Variants in ENTPD1 observed in about 807,000 individuals in gnomAD.
ENTPD1 encodes ectonucleoside triphosphate diphosphohydrolase 1.
Under a neutral mutation model 57.0 loss-of-function variants are expected in ENTPD1, and 33 were observed. The ratio of observed to expected loss-of-function variants is 0.58; its 90% CI spans 0.44 to 0.77. The LOEUF (loss-of-function observed/expected upper bound fraction) is 0.77, where lower values mean the gene tolerates loss of function less well. Ranked by LOEUF, ENTPD1 falls within the 30% of genes least tolerant of loss-of-function variation. ENTPD1 has a pLI of 0.00. For synonymous variants in ENTPD1, 202 were observed against 218.8 expected, an observed-to-expected ratio of 0.92 and a Z score of 0.68; for missense variants, 501 against 603.4, an observed-to-expected ratio of 0.83 and a Z score of 1.78.
rs1387384361 is a variant in ENTPD1 at position 95,866,714 on chromosome 10, TGA to T, written c.*335_*336del. 1 of 1,179,046 alleles carries T rather than the reference TGA, an allele frequency of 8.5e-7. No homozygotes were observed. The highest frequency in any genetic ancestry group is 5.8e-5 in the East Asian group (1 of 17,160). 73.0% of individuals were successfully genotyped at this position (1,179,046 alleles called of 1,614,324 possible). ...CAATATTGACTTTGTCTAGAAGAACTGAGAGTCTTGAGTCCTGTGATAGGAGG... is the reference window on the plus strand; with the variant it reads ...CAATATTGACTTTGTCTAGAAGAACTGAGTCTTGAGTCCTGTGATAGGAGG... On this transcript the variant is annotated 3_prime_UTR_variant, in exon 10 of 10. Coordinates refer to ENST00000371205, the MANE Select transcript of ENTPD1 (RefSeq NM_001776.6).
At chr10:95,848,221 G>A (rs1401933076) in intron 7 of ENTPD1, among the ~76,000 whole-genome samples, 3 of 152,180 alleles carry the variant, frequency 2.0e-5, no homozygotes, top group African/African-American at 7.2e-5. Context: ...CCTTGTCTCT[G>A]CCTGTCCCCA....
In ENTPD1 at chr10:95,871,448, C is replaced by T. The variant is rs2098480326; in HGVS notation, c.*5065C>T. 7 of 985,306 alleles carry T rather than the reference C, an allele frequency of 7.1e-6. No homozygotes were observed. Among genetic ancestry groups the T allele is most frequent in the South Asian group, 4.7e-5 (1 of 21,290 alleles). 61.0% of individuals were successfully genotyped at this position (985,306 alleles called of 1,614,324 possible). ...CTGGTAGATGTCCTAGGAAACCATACATCTATGTATTTTTCTTATTTTATA... is the reference window on the plus strand; with the variant it reads ...CTGGTAGATGTCCTAGGAAACCATATATCTATGTATTTTTCTTATTTTATA... On this transcript the variant is annotated 3_prime_UTR_variant, in exon 10 of 10. Transcript: ENST00000371205.
At chr10:95,863,229 TA>T (rs2098468355) in intron 8 of ENTPD1, among the ~76,000 whole-genome samples, 4 of 152,284 alleles carry the variant, frequency 2.6e-5, no homozygotes, top group Admixed American at 2.6e-4. Flanking sequence ...TCAGGGAAAT[TA>T]GGCCAAAATG....
intron 1 of ENTPD1, among the ~76,000 whole-genome samples, chr10:95,744,740 C>A (rs1308970992): frequency 6.6e-6 from 1 of 152,034 alleles, no homozygotes; most frequent in Non-Finnish European, 1.5e-5. Flanking sequence ...TCATTCTGGG[C>A]TCCCTTGACT....
intron 1 of ENTPD1, among the ~76,000 whole-genome samples, chr10:95,715,865 A>G (rs2139815057): frequency 6.6e-6 from 1 of 152,126 alleles, no homozygotes; most frequent in Admixed American, 6.6e-5. Context: ...TTATATTTGT[A>G]TTTTTGTTTG....
intron 1 of ENTPD1, among the ~76,000 whole-genome samples, chr10:95,763,522 A>G (rs1187244281): frequency 1.3e-5 from 2 of 152,174 alleles, no homozygotes; most frequent in Non-Finnish European, 2.9e-5. Context: ...TGTTTTTAGG[A>G]TATAAAATTG....
intron 1 of ENTPD1, among the ~76,000 whole-genome samples, chr10:95,746,806 G>A (rs1206011814): frequency 6.6e-6 from 1 of 152,184 alleles, no homozygotes; most frequent in Non-Finnish European, 1.5e-5. Flanking sequence ...ATTGATAGTG[G>A]AGAAATACAA....
At chr10:95,748,021 G>A (rs1455005135) in intron 1 of ENTPD1, among the ~76,000 whole-genome samples, 7 of 151,920 alleles carry the variant, frequency 4.6e-5, no homozygotes, top group Non-Finnish European at 7.4e-5. Context: ...ACAGGCATGC[G>A]CCACCATGCC....
chr10:95,755,513 T>C (rs1211185525), upstream of ENTPD1: 1 of 605,764 alleles, frequency 1.7e-6, no homozygotes, highest in East Asian at 2.8e-5. Flanking sequence ...AGGTAGGAAG[T>C]CAAAGTTGGG....
At chr10:95,833,918 G>A (rs146002448) in intron 2 of ENTPD1, among the ~76,000 whole-genome samples, 12 of 152,332 alleles carry the variant, frequency 7.9e-5, no homozygotes, top group Middle Eastern at 3.4e-3. Flanking sequence ...AGAGGGCAGA[G>A]TACTTGAATA....
At chr10:95,754,221 T>A (rs1211634099), upstream of ENTPD1, 3 of 144,406 alleles carry the variant, frequency 2.1e-5, no homozygotes, top group East Asian at 6.1e-4. Context: ...GGCAGGAGAA[T>A]CACTTGAACC....
chr10:95,736,985 G>C (rs2097995325), intron 1 of ENTPD1, among the ~76,000 whole-genome samples: 1 of 152,176 alleles, frequency 6.6e-6, no homozygotes, highest in South Asian at 2.1e-4. Flanking sequence ...CTGTGTGTGT[G>C]CATGAAAGAG....
At chr10:95,814,169 A>AT (rs1294982380) in intron 1 of ENTPD1, among the ~76,000 whole-genome samples, 1 of 152,190 alleles carries the variant, frequency 6.6e-6, no homozygotes, top group Non-Finnish European at 1.5e-5. Context: ...ACTTTGCCGG[A>AT]AACAGCCTTC....
Position 95,842,396 on chromosome 10 carries a change from G to A in ENTPD1, c.315G>A (p.Leu105=). 1 of 1,614,010 alleles carries A rather than the reference G, an allele frequency of 6.2e-7. No individual in the cohort carries two copies. Among genetic ancestry groups the A allele is most frequent in the Non-Finnish European group, 8.5e-7 (1 of 1,179,992 alleles). ...AAGTAAATGAAATAGGCATTTACCT[G>A]ACTGATTGCATGGAAAGAGCTAGGG... ...VQKVNEIGIY[L]TDCMERAREV... The change falls in exon 4 of 10, where the codon CTG becomes CTA. Residue 105 remains leucine, a synonymous_variant. Coordinates refer to ENST00000371205, the MANE Select transcript of ENTPD1 (RefSeq NM_001776.6).
chr10:95,731,069 A>G (rs997562665), intron 1 of ENTPD1, among the ~76,000 whole-genome samples: 1 of 152,226 alleles, frequency 6.6e-6, no homozygotes, highest in Non-Finnish European at 1.5e-5. Context: ...CTTTTCCAAG[A>G]TCTTTTCCAG....
chr10:95,869,141 C>A lies in ENTPD1; in HGVS notation c.*2758C>A. The A allele has an allele frequency of 3.0e-6, 3 of 985,224 alleles. No homozygotes were observed. Among genetic ancestry groups the A allele is most frequent in the Non-Finnish European group, 3.6e-6 (3 of 829,934 alleles). 61.0% of individuals were successfully genotyped at this position (985,224 alleles called of 1,614,324 possible). ...GGACTCAAAACTTGGTTCTGCTAAC[C>A]CTGTTCCTTTATGAGGAACCTTTTA... On this transcript the variant is annotated 3_prime_UTR_variant, in exon 10 of 10. Coordinates refer to ENST00000371205, the MANE Select transcript of ENTPD1 (RefSeq NM_001776.6).
chr10:95,806,724 T>C (rs916553076), intron 1 of ENTPD1, among the ~76,000 whole-genome samples: 1 of 152,224 alleles, frequency 6.6e-6, no homozygotes, highest in Non-Finnish European at 1.5e-5. Context: ...TGTTTGTTAG[T>C]TTTCCTTCTA....
At chr10:95,784,939 G>T (rs1449560888) in intron 1 of ENTPD1, 1 of 152,226 alleles carries the variant, frequency 6.6e-6, no homozygotes, top group African/African-American at 2.4e-5. Context: ...ACTGGACTTT[G>T]TTACCTGAGG....
intron 1 of ENTPD1, among the ~76,000 whole-genome samples, chr10:95,769,589 G>A (rs2098106838): frequency 6.6e-6 from 1 of 152,236 alleles, no homozygotes; most frequent in Non-Finnish European, 1.5e-5. Context: ...ACCACTGTGA[G>A]TGTTGAGCAC....
Sources: allele counts gnomAD v4.1 joint callset (sites outside exome capture counted in the v4.1 genomes callset), GRCh38; gene constraint gnomAD v4.1.1; transcripts MANE v1.5; gene names NCBI Gene and HGNC (gene_info 2026-07-23, HGNC 2026-07-21).